The following RAB11FIP4 variants were observed in gnomAD, a reference collection of about 807,000 sequenced individuals.
RAB11FIP4 encodes RAB11 family interacting protein 4.
A neutral mutation model predicts 74.3 loss-of-function variants in RAB11FIP4; 23 were observed. The ratio of observed to expected loss-of-function variants is 0.31; its 90% CI spans 0.22 to 0.44. The LOEUF is 0.44. Ranked by LOEUF, RAB11FIP4 falls within the 20% of genes least tolerant of loss-of-function variation. RAB11FIP4 has a pLI of 1.00. For missense variants in RAB11FIP4, 630 were observed against 863.9 expected (o/e 0.73, Z 3.39); for synonymous variants, 360 against 359.9 (o/e 1.00, Z 0.00).
intron 3 of RAB11FIP4, among the ~76,000 whole-genome samples, chr17:31,438,220 C>A (rs907012614): frequency 1.3e-5 from 2 of 151,964 alleles, no homozygotes. Flanking sequence ...CATGGAGACA[C>A]GTGGAGAGCC....
Position 31,534,724 on chromosome 17 carries a change from T to G in RAB11FIP4, c.*2992T>G, listed in dbSNP as rs537022934. 2 of 152,618 alleles carry G rather than the reference T, an allele frequency of 1.3e-5. No homozygotes were observed. The highest frequency in any genetic ancestry group is 1.5e-5 in the Non-Finnish European group (1 of 68,190). 9.5% of individuals were successfully genotyped at this position (152,618 alleles called of 1,614,324 possible). A position where few individuals can be genotyped will look rare whatever the true frequency, so the allele number is the denominator to read the frequency against. On this transcript the variant is annotated 3_prime_UTR_variant, in exon 15 of 15. Coordinates refer to ENST00000621161, the MANE Select transcript of RAB11FIP4 (RefSeq NM_032932.6). ...TGCGTGTCCTACTTGGGTTTTTTGT[T>G]TGTTTTTATTGTTTTTGCTAAACCT...
chr17:31,405,183 A>C (rs554826142), intron 1 of RAB11FIP4, among the ~76,000 whole-genome samples: 2 of 151,988 alleles, frequency 1.3e-5, no homozygotes, highest in South Asian at 4.2e-4. Context: ...CTGAGGATGG[A>C]GAGAAGGGGA....
chr17:31,488,063 C>G (rs2071931722), intron 3 of RAB11FIP4: 2 of 1,017,392 alleles, frequency 2.0e-6, no homozygotes, highest in South Asian at 4.6e-5. Flanking sequence ...CCCTTCGGCC[C>G]ACGCGGGTCT....
Position 31,399,153 on chromosome 17 carries a change from C to T in RAB11FIP4, c.159+7142C>T, listed in dbSNP as rs2070960462. ...CTTTGGCCCACTGAGCAGTCATCCC[C>T]ACCCCAGCCCTGAGCAGTGCCACCA... On this transcript the variant is annotated intron_variant, in intron 1 of 14. Transcript: ENST00000621161. Among the ~76,000 whole-genome samples, 3 of 152,130 alleles carry T rather than the reference C, an allele frequency of 2.0e-5. No homozygotes were observed. In the South Asian group the frequency reaches 6.2e-4, roughly 32 times the overall value.
rs545774098 is a variant in RAB11FIP4 at position 31,512,120 on chromosome 17, G to A, written c.337-5531G>A. Reference sequence around the variant, plus strand: ...GGGTGGGCGTCCCTCCTGGCTGCTCGTCTGTCCAGGACATTGCTGGCTGAC... The same window carrying A: ...GGGTGGGCGTCCCTCCTGGCTGCTCATCTGTCCAGGACATTGCTGGCTGAC... On this transcript the variant is annotated intron_variant, in intron 3 of 14. Transcript: ENST00000621161. The surrounding 1 kb of genome is among the most constrained non-coding windows in gnomAD (Gnocchi z 4.1). Among the ~76,000 whole-genome samples the A allele has an allele frequency of 7.2e-5, 11 of 152,290 alleles. No individual in the cohort carries two copies. Among genetic ancestry groups the A allele is most frequent in the Admixed American group, 2.6e-4 (4 of 15,298 alleles).
chr17:31,531,762 G>C lies in RAB11FIP4; in HGVS notation c.*30G>C, dbSNP rs1567697221. 6 of 1,463,770 alleles carry C rather than the reference G, an allele frequency of 4.1e-6. No individual in the cohort carries two copies. Among genetic ancestry groups the C allele is most frequent in the Non-Finnish European group, 5.7e-6 (6 of 1,044,232 alleles). 90.7% of individuals were successfully genotyped at this position (1,463,770 alleles called of 1,614,324 possible). On this transcript the variant is annotated 3_prime_UTR_variant, in exon 15 of 15. Transcript: ENST00000621161. ...CGGGGCTGGCTGCAGAGCAGCCTTAGGACCCTGGGACCAAGGGCAGACCCT... is the reference window on the plus strand; with the variant it reads ...CGGGGCTGGCTGCAGAGCAGCCTTACGACCCTGGGACCAAGGGCAGACCCT...
At chr17:31,479,740 C>A (rs908726954) in intron 3 of RAB11FIP4, among the ~76,000 whole-genome samples, 8 of 152,062 alleles carry the variant, frequency 5.3e-5, no homozygotes, top group Non-Finnish European at 1.2e-4. Context: ...CAGAGGAGGC[C>A]AAAAGTTTGG....
rs561363480 is a variant in RAB11FIP4, at chr17:31,427,114, C to T, written c.160-4699C>T. Among the ~76,000 whole-genome samples, 37 of 152,272 alleles carry T rather than the reference C, an allele frequency of 2.4e-4. No homozygotes were observed. The South Asian group carries it at 6.6e-3, about 27-fold the overall frequency. On this transcript the variant is annotated intron_variant, in intron 1 of 14. Transcript: ENST00000621161. ...AGCTGGGACTACAGGTACACATGAC[C>T]ACGCCTGGCTAATTTTTGTATTTTT...
chr17:31,448,165 T>A (rs2071486981), intron 3 of RAB11FIP4, among the ~76,000 whole-genome samples: 3 of 152,218 alleles, frequency 2.0e-5, no homozygotes, highest in African/African-American at 7.2e-5. Flanking sequence ...GAGTCCCACT[T>A]CTACTGTAGA....
chr17:31,433,450 A>G (rs115280952), intron 2 of RAB11FIP4, among the ~76,000 whole-genome samples: 279 of 152,330 alleles, frequency 1.8e-3, no homozygotes, highest in African/African-American at 6.5e-3. Flanking sequence ...GGATTTGACA[A>G]TGGGCCACTG....
intron 1 of RAB11FIP4, among the ~76,000 whole-genome samples, chr17:31,401,490 C>T (rs912016526): frequency 2.0e-5 from 3 of 152,236 alleles, no homozygotes; most frequent in Non-Finnish European, 2.9e-5. Flanking sequence ...TGACCCAAGA[C>T]GGGGAGCAGG....
intron 3 of RAB11FIP4, among the ~76,000 whole-genome samples, chr17:31,507,952 A>C (rs887222511): frequency 2.0e-5 from 3 of 152,056 alleles, no homozygotes; most frequent in African/African-American, 4.8e-5. Flanking sequence ...TCAGCCTCTC[A>C]AGTAGTTGGG....
intron 1 of RAB11FIP4, among the ~76,000 whole-genome samples, chr17:31,402,793 T>G (rs1257591715): frequency 4.6e-5 from 7 of 151,422 alleles, no homozygotes; most frequent in African/African-American, 1.7e-4. Context: ...GGCTAATTTT[T>G]TTTTTGTATT....
At chr17:31,516,719 T>C (rs566907311) in intron 3 of RAB11FIP4, among the ~76,000 whole-genome samples, 7 of 152,338 alleles carry the variant, frequency 4.6e-5, no homozygotes, top group Admixed American at 2.6e-4. Flanking sequence ...CTGCCCGCCT[T>C]GGCCTCCCAA....
chr17:31,434,218 C>A (rs572819856), intron 3 of RAB11FIP4, 96 bp downstream of exon 3: 1 of 1,009,678 alleles, frequency 9.9e-7, no homozygotes, highest in Non-Finnish European at 1.5e-6. Flanking sequence ...GGACCCAGAA[C>A]CTCCCTCTGA....
chr17:31,425,807 G>A (rs981288197), intron 1 of RAB11FIP4, among the ~76,000 whole-genome samples: 1 of 152,182 alleles, frequency 6.6e-6, no homozygotes, highest in South Asian at 2.1e-4. Flanking sequence ...GCCAGAGGGG[G>A]AGCCCCAGGG....
Position 31,421,378 on chromosome 17 carries a change from C to T in RAB11FIP4, c.160-10435C>T, listed in dbSNP as rs1381135871. Among the ~76,000 whole-genome samples the T allele has an allele frequency of 2.0e-5, 3 of 151,786 alleles. No homozygotes were observed. The East Asian group carries it at 5.8e-4, about 29-fold the overall frequency. The stretch of plus-strand genomic sequence containing the variant: ...GGATTATAGGCACAGGACACCATGC[C>T]CAGCTAATTTTTGTATTGTTAGTAG... On this transcript the variant is annotated intron_variant, in intron 1 of 14. Transcript: ENST00000621161.
chr17:31,491,157 C>T (rs959995133), intron 3 of RAB11FIP4, among the ~76,000 whole-genome samples: 9 of 152,244 alleles, frequency 5.9e-5, no homozygotes, highest in Non-Finnish European at 8.8e-5. Flanking sequence ...TACTGGATGT[C>T]GTACGATCTT....
Position 31,533,142 on chromosome 17 carries a change from T to C in RAB11FIP4, c.*1410T>C, listed in dbSNP as rs1256584308. ...GTTGGGAAGGGCGGTGGAGGGGGAG[T>C]TGCAGAAAGAGAGGGCAGTGAGGGT... On this transcript the variant is annotated 3_prime_UTR_variant, in exon 15 of 15. Transcript: ENST00000621161. The C allele has an allele frequency of 1.3e-5, 2 of 151,264 alleles. No homozygotes were observed. Among genetic ancestry groups the C allele is most frequent in the East Asian group, 3.9e-4 (2 of 5,162 alleles). 9.4% of individuals were successfully genotyped at this position (151,264 alleles called of 1,614,324 possible).
Sources: gnomAD v4.1 joint callset for allele counts (sites outside exome capture counted in the v4.1 genomes callset) on GRCh38, gnomAD v4.1.1 for gene constraint, Gnocchi (gnomAD v3.1) non-coding constraint, MANE v1.5 for transcripts, NCBI Gene and HGNC (gene_info 2026-07-23, HGNC 2026-07-21) for gene names.